The following CDC42SE2 variants were observed in gnomAD, a reference collection of about 807,000 sequenced individuals.
CDC42SE2 encodes the protein CDC42 small effector 2, also known as CDC42 small effector protein 2.
Under a neutral mutation model 11.5 loss-of-function variants are expected in CDC42SE2, and 3 were observed. The ratio of observed to expected loss-of-function variants is 0.26; its 90% confidence interval spans 0.12 to 0.67. CDC42SE2 has a LOEUF of 0.67. CDC42SE2 is among the 30% of genes least tolerant of loss of function. CDC42SE2 has a pLI of 0.80. For synonymous variants in CDC42SE2, 33 were observed against 34.8 expected (o/e 0.95, Z 0.18); for missense variants, 82 against 106.8 (o/e 0.77, Z 1.02).
chr5:131,304,312 C>T (rs1447001500), intron 1 of CDC42SE2, among the ~76,000 whole-genome samples: 2 of 151,958 alleles, frequency 1.3e-5, no homozygotes, highest in Non-Finnish European at 2.9e-5. Flanking sequence ...TTAAATTTAG[C>T]TAAGGAAATA....
chr5:131,268,157 G>A (rs1029808551), intron 1 of CDC42SE2, among the ~76,000 whole-genome samples: 1 of 147,588 alleles, frequency 6.8e-6, no homozygotes, highest in Admixed American at 6.9e-5. Flanking sequence ...CTGTCTCCTG[G>A]GTTCAAGTGA....
the CDC42SE2 span, among the ~76,000 whole-genome samples, chr5:131,211,914 G>T: frequency 6.7e-6 from 1 of 149,856 alleles, no homozygotes; most frequent in African/African-American, 2.5e-5. Flanking sequence ...GCCCAGGGAG[G>T]TGGAGGCTGC....
chr5:131,374,819 A>G (rs574232306), intron 3 of CDC42SE2, among the ~76,000 whole-genome samples: 1 of 152,162 alleles, frequency 6.6e-6, no homozygotes, highest in South Asian at 2.1e-4. Context: ...AACAGTGGAC[A>G]AGGAAGACTC....
At chr5:131,333,597 G>A (rs549628096) in intron 2 of CDC42SE2, among the ~76,000 whole-genome samples, 1 of 152,320 alleles carries the variant, frequency 6.6e-6, no homozygotes, top group African/African-American at 2.4e-5. Flanking sequence ...TCCTACCCAT[G>A]AGCATGGAAT....
chr5:131,303,272 C>T (rs1378712247), intron 1 of CDC42SE2, among the ~76,000 whole-genome samples: 2 of 152,098 alleles, frequency 1.3e-5, no homozygotes, highest in South Asian at 2.1e-4. Flanking sequence ...CCTGACAGAT[C>T]TGTATTTCTT....
intron 2 of CDC42SE2, among the ~76,000 whole-genome samples, chr5:131,355,751 A>G (rs1749521245): frequency 2.0e-5 from 3 of 152,138 alleles, no homozygotes; most frequent in Admixed American, 2.0e-4. Context: ...AGTTTTTCAC[A>G]TCAAAACATT....
the CDC42SE2 span, among the ~76,000 whole-genome samples, chr5:131,233,378 T>TC: frequency 6.6e-6 from 1 of 152,198 alleles, no homozygotes. Context: ...AAAAACAATT[T>TC]TTTTGTTTTG....
Position 131,391,665 on chromosome 5 carries a change from C to T in CDC42SE2, c.*574C>T, listed in dbSNP as rs995479947. Reference sequence around the variant, plus strand: ...CCAGCCTGGGTGACAGAGCAAGACCCTGTCTCAAAAAAGTACTGATACTAA... The same window carrying T: ...CCAGCCTGGGTGACAGAGCAAGACCTTGTCTCAAAAAAGTACTGATACTAA... On this transcript the variant is annotated 3_prime_UTR_variant, in exon 5 of 5. Transcript: ENST00000505065. The T allele has an allele frequency of 1.3e-5, 2 of 152,166 alleles. No homozygotes were observed. The highest frequency in any genetic ancestry group is 4.8e-5 in the African/African-American group (2 of 41,454). The allele number at this position is 152,166 out of a possible 1,614,324, so 9.4% of individuals were successfully genotyped here.
intron 1 of CDC42SE2, among the ~76,000 whole-genome samples, chr5:131,282,574 A>AT (rs1217908382): frequency 1.3e-5 from 2 of 151,594 alleles, no homozygotes; most frequent in Non-Finnish European, 2.9e-5. Flanking sequence ...AGAGGAGGTT[A>AT]TTTTCCTTCC....
At chr5:131,228,944 A>G in the CDC42SE2 span, among the ~76,000 whole-genome samples, 46 of 152,322 alleles carry the variant, frequency 3.0e-4, no homozygotes, top group African/African-American at 1.1e-3. Flanking sequence ...GAACTCTGAG[A>G]AAATTAATTT....
intron 3 of CDC42SE2, among the ~76,000 whole-genome samples, chr5:131,381,914 C>T (rs1283703779): frequency 2.6e-5 from 4 of 152,182 alleles, no homozygotes; most frequent in Non-Finnish European, 5.9e-5. Flanking sequence ...TTACTATTTT[C>T]ATCTTAGGTG....
At chr5:131,304,653 T>C (rs1757746777) in intron 1 of CDC42SE2, among the ~76,000 whole-genome samples, 1 of 152,180 alleles carries the variant, frequency 6.6e-6, no homozygotes, top group East Asian at 1.9e-4. Context: ...CCACATTTCC[T>C]TTTTCCCATG....
intron 1 of CDC42SE2, among the ~76,000 whole-genome samples, chr5:131,273,187 G>C (rs1580723962): frequency 7.3e-6 from 1 of 137,726 alleles, no homozygotes. Context: ...ATAGAGTCTT[G>C]CTCTGTTGCC....
chr5:131,365,846 G>A (rs1007352177), intron 3 of CDC42SE2, among the ~76,000 whole-genome samples: 3 of 152,156 alleles, frequency 2.0e-5, no homozygotes, highest in Non-Finnish European at 4.4e-5. Flanking sequence ...GCCGGGTGTG[G>A]TGGCGGGTGC....
intron 1 of CDC42SE2, among the ~76,000 whole-genome samples, chr5:131,286,065 T>G (rs923266562): frequency 1.6e-5 from 2 of 122,396 alleles, no homozygotes; most frequent in Non-Finnish European, 3.9e-5. Flanking sequence ...TTTTTTTTTT[T>G]GGTTGGGGGG....
chr5:131,280,935 T>G (rs2149701797), intron 1 of CDC42SE2, among the ~76,000 whole-genome samples: 1 of 152,328 alleles, frequency 6.6e-6, no homozygotes, highest in South Asian at 2.1e-4. Context: ...CTTATGTTAA[T>G]GTTTCCTTTG....
intron 2 of CDC42SE2, among the ~76,000 whole-genome samples, chr5:131,349,464 A>C (rs546667174): frequency 6.6e-6 from 1 of 152,348 alleles, no homozygotes; most frequent in East Asian, 1.9e-4. Context: ...CGTTGTGCTC[A>C]TGTACACTAG....
intron 3 of CDC42SE2, among the ~76,000 whole-genome samples, chr5:131,363,243 A>G (rs1749762146): frequency 6.7e-6 from 1 of 149,078 alleles, no homozygotes; most frequent in Non-Finnish European, 1.5e-5. Flanking sequence ...GTAGCTTTAA[A>G]AAACAAGGAA....
intron 1 of CDC42SE2, among the ~76,000 whole-genome samples, chr5:131,299,904 G>C (rs142005754): frequency 1.3e-5 from 2 of 152,136 alleles, no homozygotes; most frequent in African/African-American, 4.8e-5. Context: ...AGGGAATCAG[G>C]GCTGTTCTGA....
Sources: gnomAD v4.1 joint callset for allele counts (sites outside exome capture counted in the v4.1 genomes callset) on GRCh38, gnomAD v4.1.1 for gene constraint, MANE v1.5 for transcripts, NCBI Gene and HGNC (gene_info 2026-07-23, HGNC 2026-07-21) for gene names.